Variants in EEA1 observed in about 807,000 individuals in gnomAD.
The protein encoded by EEA1 is early endosome antigen 1, 162kD.
A neutral mutation model predicts 209.2 loss-of-function variants in EEA1; 111 were observed. The observed-to-expected ratio is 0.53, with a 90% confidence interval of 0.45 to 0.62. The LOEUF is 0.62. Among genes scored for constraint, EEA1 ranks in the 20% least tolerant of loss-of-function variants. EEA1 has a pLI of 0.00. For synonymous variants in EEA1, 536 were observed against 540.6 expected (o/e 0.99, Z 0.12); for missense variants, 1,343 against 1,530.8 (o/e 0.88, Z 2.05).
chr12:92,779,549 C>T (rs1440288415), intron 24 of EEA1, among the ~76,000 whole-genome samples: 1 of 151,954 alleles, frequency 6.6e-6, no homozygotes, highest in African/African-American at 2.4e-5. Context: ...AAAAAACAAA[C>T]TGTACTCTCT....
intron 1 of EEA1, among the ~76,000 whole-genome samples, chr12:92,908,456 G>C (rs113654784): frequency 1.3e-5 from 2 of 151,998 alleles, no homozygotes; most frequent in Non-Finnish European, 2.9e-5. Context: ...TTTAAATTAC[G>C]TATATTTTGT....
intron 1 of EEA1, among the ~76,000 whole-genome samples, chr12:92,902,100 G>A (rs1880167226): frequency 6.6e-6 from 1 of 152,134 alleles, no homozygotes; most frequent in East Asian, 1.9e-4. Context: ...AGGTCCAGGT[G>A]GGAGGATCAC....
intron 5 of EEA1, among the ~76,000 whole-genome samples, chr12:92,856,736 A>AT (rs1288119408): frequency 6.7e-6 from 1 of 150,316 alleles, no homozygotes; most frequent in Non-Finnish European, 1.5e-5. Flanking sequence ...ACAGCCTGGT[A>AT]TAAAAAAAAA....
In EEA1 at chr12:92,778,189, A is replaced by C. The variant is rs554527142; in HGVS notation, c.3655-10T>G. On this transcript the variant is annotated splice_polypyrimidine_tract_variant and intron_variant, in intron 25 of 28. Coordinates refer to ENST00000322349, the MANE Select transcript of EEA1 (RefSeq NM_003566.4). Reference sequence around the variant, plus strand: ...CTTTTATTTCGGAATGCTGAAAAAAAGGAAAAGTTGGGGGGAAATCTATTA... The same window carrying C: ...CTTTTATTTCGGAATGCTGAAAAAACGGAAAAGTTGGGGGGAAATCTATTA... The C allele has an allele frequency of 1.1e-5, 17 of 1,601,558 alleles. 1 individual carries two copies. In the East Asian group the frequency reaches 3.4e-4, roughly 32 times the overall value.
intron 11 of EEA1, among the ~76,000 whole-genome samples, chr12:92,830,067 G>A (rs1002978396): frequency 2.0e-5 from 3 of 151,790 alleles, no homozygotes; most frequent in African/African-American, 4.8e-5. Context: ...GTTACTATAC[G>A]GGCAATGGGT....
At chr12:92,886,067 T>C (rs957827601) in intron 2 of EEA1, among the ~76,000 whole-genome samples, 1 of 151,772 alleles carries the variant, frequency 6.6e-6, no homozygotes, top group African/African-American at 2.4e-5. Flanking sequence ...TTTCAAATAC[T>C]ATAATGCTAT....
Position 92,910,110 on chromosome 12 carries a change from T to C in EEA1, c.25-18389A>G, listed in dbSNP as rs1393774264. 2.0e-5 allele frequency among the ~76,000 whole-genome samples: 3 copies of C among 151,672 alleles called. No homozygotes were observed. The East Asian group carries it at 5.8e-4, about 29-fold the overall frequency. On this transcript the variant is annotated intron_variant, in intron 1 of 28. Transcript: ENST00000322349. ...GTGAGCCAAGATCACGCCACTGCACTCCAGCCTCGGCAACAGAGCAAGATT... is the reference window on the plus strand; with the variant it reads ...GTGAGCCAAGATCACGCCACTGCACCCCAGCCTCGGCAACAGAGCAAGATT...
chr12:92,893,371 G>A (rs1879740200), intron 1 of EEA1, among the ~76,000 whole-genome samples: 1 of 152,042 alleles, frequency 6.6e-6, no homozygotes, highest in Non-Finnish European at 1.5e-5. Context: ...ATGAAAGAAG[G>A]GATTTTAATT....
rs1326198665 is a variant in EEA1, at chr12:92,802,488, T to C, written c.2586A>G (p.Leu862=). The C allele has an allele frequency of 1.1e-5, 18 of 1,579,782 alleles. No homozygotes were observed. Among genetic ancestry groups the C allele is most frequent in the Admixed American group, 2.1e-5 (1 of 48,292 alleles). The change falls in exon 19 of 29, where the codon CTA becomes CTG. Residue 862 remains leucine (L), a synonymous_variant. Coordinates refer to ENST00000322349, the MANE Select transcript of EEA1 (RefSeq NM_003566.4). Reference sequence around the variant, plus strand: ...TTTTCAAAGAATCAGAAACTTTTGATAGTTTGTCCTTTACTGTAGAAAGCT... The same window carrying C: ...TTTTCAAAGAATCAGAAACTTTTGACAGTTTGTCCTTTACTGTAGAAAGCT... The part of the protein sequence containing the change: ...MTELSTVKDK[L]SKVSDSLKNS...
At chr12:92,894,883 GTAAC>G (rs1256928743) in intron 1 of EEA1, among the ~76,000 whole-genome samples, 1 of 152,190 alleles carries the variant, frequency 6.6e-6, no homozygotes, top group Non-Finnish European at 1.5e-5. Flanking sequence ...GATGTCATCT[GTAAC>G]TACTATAGCT....
intron 11 of EEA1, among the ~76,000 whole-genome samples, chr12:92,829,841 A>G (rs1876536528): frequency 6.6e-6 from 1 of 151,690 alleles, no homozygotes; most frequent in Non-Finnish European, 1.5e-5. Flanking sequence ...AAAAATGAGT[A>G]AGAGATGGTC....
At chr12:92,833,029 C>T (rs1452239830) in intron 10 of EEA1, among the ~76,000 whole-genome samples, 179 bp from the exon 11 acceptor site, 2 of 152,022 alleles carry the variant, frequency 1.3e-5, no homozygotes, top group African/African-American at 4.8e-5. Context: ...TGTGATTTCA[C>T]TATTGGTCCA....
intron 1 of EEA1, among the ~76,000 whole-genome samples, chr12:92,926,819 G>C (rs1316124639): frequency 6.6e-6 from 1 of 151,910 alleles, no homozygotes. Flanking sequence ...ATATGCCCCC[G>C]TCCCTGAAGC....
chr12:92,905,702 T>A (rs902899677), intron 1 of EEA1: 1 of 151,906 alleles, frequency 6.6e-6, no homozygotes, highest in Non-Finnish European at 1.5e-5. Flanking sequence ...ACCGCATTAA[T>A]CTCTGCAAAA....
At chr12:92,857,912 T>C (rs189442719) in intron 3 of EEA1, among the ~76,000 whole-genome samples, 1 of 152,324 alleles carries the variant, frequency 6.6e-6, no homozygotes, top group Admixed American at 6.5e-5. Context: ...AACATTGGCT[T>C]CCATCTTTCA....
At position 92,839,168 on chromosome 12, in the gene EEA1, T is replaced by C. The variant is rs148487182; in HGVS notation, c.915+3297A>G. ...ATTGACAAATGTGACTGTTTTTATA[T>C]TGTACAATAAAATGTATCAAAATTT... On this transcript the variant is annotated intron_variant, in intron 10 of 28. Transcript: ENST00000322349. Among the ~76,000 whole-genome samples the C allele has an allele frequency of 5.9e-3, 901 of 152,328 alleles. 11 individuals carry two copies. The highest frequency in any genetic ancestry group is 0.021 in the African/African-American group (853 of 41,574).
At chr12:92,796,051 T>A (rs1233823621) in intron 21 of EEA1, among the ~76,000 whole-genome samples, 1 of 152,036 alleles carries the variant, frequency 6.6e-6, no homozygotes, top group Non-Finnish European at 1.5e-5. Context: ...TCTCTGTCTT[T>A]GAGGAACTCA....
chr12:92,833,488 TG>T (rs1194172331), intron 10 of EEA1, among the ~76,000 whole-genome samples: 1 of 152,160 alleles, frequency 6.6e-6, no homozygotes, highest in Non-Finnish European at 1.5e-5. Flanking sequence ...ATCAAAGACC[TG>T]GATCAACCAA....
intron 1 of EEA1, among the ~76,000 whole-genome samples, chr12:92,895,624 T>C (rs1879846116): frequency 6.6e-6 from 1 of 152,198 alleles, no homozygotes; most frequent in African/African-American, 2.4e-5. Flanking sequence ...TGCCTATTAA[T>C]ATAACATCCA....
Sources: gnomAD v4.1 joint callset for allele counts (sites outside exome capture counted in the v4.1 genomes callset) on GRCh38, gnomAD v4.1.1 for gene constraint, MANE v1.5 for transcripts, NCBI Gene and HGNC (gene_info 2026-07-23, HGNC 2026-07-21) for gene names.